ATP11A: variants seen among roughly 807,000 people sequenced by gnomAD.
The protein encoded by ATP11A is ATPase phospholipid transporting 11A.
A neutral mutation model predicts 154.4 loss-of-function variants in ATP11A; 81 were observed. The observed-to-expected ratio is 0.52, with a 90% CI of 0.44 to 0.63. The LOEUF (loss-of-function observed/expected upper bound fraction) is 0.63. Ranked by LOEUF, ATP11A falls within the 30% of genes least tolerant of loss-of-function variation. The probability of loss-of-function intolerance (pLI) is 0.00; values close to 1 mark genes in which losing one functional copy is unlikely to be tolerated. For synonymous variants in ATP11A, 623 were observed against 585.9 expected (o/e 1.06, Z -0.91); for missense variants, 1,316 against 1,474.3 (o/e 0.89, Z 1.76).
chr13:112,841,025 C>T (rs113419192), intron 16 of ATP11A, among the ~76,000 whole-genome samples: 3,338 of 152,378 alleles, frequency 0.022, 130 homozygotes, highest in African/African-American at 0.076. Context: ...GCTCAGGCTG[C>T]TGTGGTGTTT....
Position 112,790,109 on chromosome 13 carries a change from CAGG to C in ATP11A, c.162+4855_162+4857del, listed in dbSNP as rs2077804145. The stretch of plus-strand genomic sequence containing the variant: ...CTATGTAGACCTATTTAATTCACAC[CAGG>C]AGTCCTGATATGTAGATCCCTGTGG... On this transcript the variant is annotated intron_variant, in intron 2 of 29. Coordinates refer to ENST00000375645, the MANE Select transcript of ATP11A (RefSeq NM_015205.3). 2.8e-5 allele frequency among the ~76,000 whole-genome samples: 4 copies of C among 145,430 alleles called. 1 individual carries two copies. The South Asian group carries it at 9.4e-4, about 34-fold the overall frequency.
rs113620616 is a variant in ATP11A at position 112,842,881 on chromosome 13, G to T, written c.1809+502G>T. Among the ~76,000 whole-genome samples the T allele has an allele frequency of 4.9e-3, 747 of 152,322 alleles. 11 individuals are homozygous for T. Among genetic ancestry groups the T allele is most frequent in the Non-Finnish European group, 4.9e-3 (334 of 68,018 alleles). ...GTTGTATAGCACCGCCCAGCAGCCC[G>T]CACACCTGAGCCTCCCACTCCGTGG... On this transcript the variant is annotated intron_variant, in intron 17 of 29. Coordinates refer to ENST00000375645, the MANE Select transcript of ATP11A (RefSeq NM_015205.3).
intron 25 of ATP11A, among the ~76,000 whole-genome samples, chr13:112,864,230 A>G (rs1202765464): frequency 7.9e-6 from 1 of 126,968 alleles, no homozygotes; most frequent in Non-Finnish European, 1.7e-5. Context: ...GCAGTAATTC[A>G]GTGCGGCCCA....
chr13:112,836,288 C>A, intron 16 of ATP11A, 37 bp downstream of exon 16: 3 of 1,356,040 alleles, frequency 2.2e-6, no homozygotes, highest in African/African-American at 1.4e-5. Flanking sequence ...TTAAGTTATA[C>A]GTGGTGGTTG....
In ATP11A at chr13:112,885,510, A is replaced by G. The variant is rs1486163653; in HGVS notation, c.*3644A>G. On this transcript the variant is annotated 3_prime_UTR_variant, in exon 30 of 30. Transcript: ENST00000375645. ...ACAGATGCACATGGACACACCCCAA[A>G]CACGCACAGGCTCCTACACACATGC... The G allele has an allele frequency of 6.6e-6, 1 of 152,136 alleles. No homozygotes were observed. The highest frequency in any genetic ancestry group is 1.9e-4 in the East Asian group (1 of 5,184). 9.4% of individuals were successfully genotyped at this position (152,136 alleles called of 1,614,324 possible). A position where few individuals can be genotyped will look rare whatever the true frequency, so the allele number is the denominator to read the frequency against.
At chr13:112,717,859 C>G (rs924210739) in intron 1 of ATP11A, among the ~76,000 whole-genome samples, 1 of 152,210 alleles carries the variant, frequency 6.6e-6, no homozygotes, top group African/African-American at 2.4e-5. Context: ...GGTGGATCAC[C>G]TGAGGTCAGG....
intron 1 of ATP11A, among the ~76,000 whole-genome samples, chr13:112,703,685 C>T (rs1419723046): frequency 1.3e-5 from 2 of 151,670 alleles, no homozygotes; most frequent in Non-Finnish European, 2.9e-5. Context: ...CCGCAGTTCC[C>T]GTGGTTGGTT....
intron 1 of ATP11A, among the ~76,000 whole-genome samples, chr13:112,741,610 G>A (rs1007646354): frequency 1.1e-4 from 16 of 152,162 alleles, no homozygotes; most frequent in African/African-American, 2.9e-4. Flanking sequence ...TGGAGACTCC[G>A]TCCCTGTGCT....
chr13:112,757,506 T>C (rs1469974215), intron 1 of ATP11A, among the ~76,000 whole-genome samples: 1 of 152,226 alleles, frequency 6.6e-6, no homozygotes, highest in Admixed American at 6.5e-5. Context: ...CACATTTTAC[T>C]TTGTGTTTCC....
At chr13:112,824,313 T>C (rs777956162) in intron 9 of ATP11A, 31 bp from the exon 10 acceptor site, 19 of 1,575,320 alleles carry the variant, frequency 1.2e-5, no homozygotes, top group African/African-American at 2.7e-5. Flanking sequence ...ACTTGCGCCC[T>C]GGTCATCACC....
At chr13:112,693,879 A>C (rs1885490133) in intron 1 of ATP11A, among the ~76,000 whole-genome samples, 1 of 152,160 alleles carries the variant, frequency 6.6e-6, no homozygotes, top group Non-Finnish European at 1.5e-5. Flanking sequence ...TTGAGCACAG[A>C]AGGCGGAGGT....
chr13:112,732,281 G>C (rs1890564355), intron 1 of ATP11A, among the ~76,000 whole-genome samples: 1 of 152,190 alleles, frequency 6.6e-6, no homozygotes, highest in South Asian at 2.1e-4. Flanking sequence ...CTGTAGAATA[G>C]AATGAAAACT....
At chr13:112,795,403 A>G (rs746710800) in intron 2 of ATP11A, among the ~76,000 whole-genome samples, 5 of 152,240 alleles carry the variant, frequency 3.3e-5, no homozygotes, top group African/African-American at 7.2e-5. Flanking sequence ...TTTCAAAACC[A>G]TAGAGAGGAG....
intron 1 of ATP11A, among the ~76,000 whole-genome samples, chr13:112,712,012 C>T (rs902120127): frequency 1.3e-5 from 2 of 152,180 alleles, no homozygotes; most frequent in African/African-American, 4.8e-5. Flanking sequence ...ACGTGCTGAA[C>T]CCAGAGTGAG....
chr13:112,870,641 C>T (rs1260298604), intron 25 of ATP11A, among the ~76,000 whole-genome samples: 11 of 152,164 alleles, frequency 7.2e-5, no homozygotes, highest in Non-Finnish European at 1.0e-4. Context: ...CCTCCCAAAG[C>T]GCTGGGATTA....
At chr13:112,831,327 G>T (rs575100498) in intron 12 of ATP11A, 48 bp from the exon 13 acceptor site, 4 of 1,593,554 alleles carry the variant, frequency 2.5e-6, no homozygotes, top group East Asian at 4.5e-5. Context: ...AGTCGGGGAC[G>T]TGCGGGCCTC....
At chr13:112,778,477 C>T (rs1476036462) in intron 1 of ATP11A, among the ~76,000 whole-genome samples, 2 of 152,248 alleles carry the variant, frequency 1.3e-5, no homozygotes, top group Non-Finnish European at 1.5e-5. Context: ...GGCATGCCTG[C>T]AATCTCAGTG....
At position 112,878,200 on chromosome 13, in the gene ATP11A, C is replaced by T. The variant is rs1446075877; in HGVS notation, c.3328-17C>T. The T allele has an allele frequency of 3.1e-6, 5 of 1,613,662 alleles. No individual in the cohort carries two copies. Among genetic ancestry groups the T allele is most frequent in the Non-Finnish European group, 4.2e-6 (5 of 1,179,526 alleles). On this transcript the variant is annotated splice_polypyrimidine_tract_variant and intron_variant, in intron 28 of 29. Coordinates refer to ENST00000375645, the MANE Select transcript of ATP11A (RefSeq NM_015205.3). Reference sequence around the variant, plus strand: ...TCACACACCCCTGTGTGCGTGGCCGCTGACCTCGGGACTAAGACTAAGAGC... The same window carrying T: ...TCACACACCCCTGTGTGCGTGGCCGTTGACCTCGGGACTAAGACTAAGAGC...
At chr13:112,849,449 A>C (rs1423085404) in intron 17 of ATP11A, among the ~76,000 whole-genome samples, 2 of 152,260 alleles carry the variant, frequency 1.3e-5, no homozygotes, top group African/African-American at 4.8e-5. Flanking sequence ...ATTTATTTCC[A>C]AAAGCTTCTG....
Sources: allele counts gnomAD v4.1 joint callset (sites outside exome capture counted in the v4.1 genomes callset), GRCh38; gene constraint gnomAD v4.1.1; transcripts MANE v1.5; gene names NCBI Gene and HGNC (gene_info 2026-07-23, HGNC 2026-07-21).